Variants in STAG1 observed in about 807,000 individuals in gnomAD.
STAG1 encodes the protein cohesin subunit SA-1.
In STAG1, 26 loss-of-function variants were observed where a neutral mutation model predicts 170.9. The observed-to-expected ratio is 0.15, with a 90% CI of 0.11 to 0.21. STAG1 has a LOEUF of 0.21. Ranked by LOEUF, STAG1 falls within the 10% of genes least tolerant of loss-of-function variation. STAG1 has a pLI of 1.00. For missense variants in STAG1, 964 were observed against 1,509.5 expected (o/e 0.64, Z 5.99); for synonymous variants, 514 against 497.7 (o/e 1.03, Z -0.44).
rs1940890873 is a variant in STAG1, at chr3:136,643,852, A to C, written c.-83-12871T>G. On this transcript the variant is annotated intron_variant, in intron 1 of 33. Transcript: ENST00000383202. The stretch of plus-strand genomic sequence containing the variant: ...ACTGAGGAAAGATGTTTGTTTACTT[A>C]ATATGACCGTGTAGCAAAGGTATAG... 2.0e-5 allele frequency among the ~76,000 whole-genome samples: 3 copies of C among 152,194 alleles called. No homozygotes were observed. In the South Asian group the frequency reaches 6.2e-4, roughly 32 times the overall value.
chr3:136,656,233 AG>A (rs1436675666), intron 1 of STAG1, among the ~76,000 whole-genome samples: 2 of 152,058 alleles, frequency 1.3e-5, no homozygotes, highest in African/African-American at 4.8e-5. Context: ...TTAAATTCAT[AG>A]GAACAGAAAG....
chr3:136,601,260 A>G (rs1031191630), intron 4 of STAG1, among the ~76,000 whole-genome samples: 1 of 152,248 alleles, frequency 6.6e-6, no homozygotes, highest in Non-Finnish European at 1.5e-5. Context: ...TACTGCCAAA[A>G]TAATAAAAAT....
At chr3:136,463,833 A>T (rs1374526809) in intron 13 of STAG1, among the ~76,000 whole-genome samples, 1 of 143,010 alleles carries the variant, frequency 7.0e-6, no homozygotes, top group Non-Finnish European at 1.5e-5. Flanking sequence ...TCATATATAC[A>T]TATATACATA....
intron 1 of STAG1, among the ~76,000 whole-genome samples, chr3:136,729,056 C>T (rs962005864): frequency 2.0e-5 from 3 of 152,224 alleles, no homozygotes; most frequent in Non-Finnish European, 4.4e-5. Flanking sequence ...TCTTGGCTCA[C>T]CGCAGCCTCT....
intron 13 of STAG1, among the ~76,000 whole-genome samples, chr3:136,454,117 C>G (rs879618232): frequency 6.6e-6 from 1 of 152,128 alleles, no homozygotes; most frequent in Non-Finnish European, 1.5e-5. Context: ...TTTTTTGAGA[C>G]ACAGTCTCAC....
chr3:136,453,947 G>C lies in STAG1; in HGVS notation c.1314-1800C>G, dbSNP rs553173337. 2.6e-5 allele frequency among the ~76,000 whole-genome samples: 4 copies of C among 151,808 alleles called. No homozygotes were observed. The East Asian group carries it at 7.8e-4, about 29-fold the overall frequency. ...TTCTGGGGGGGCAGGTGAGGAGGAA[G>C]GCATATTAGGGGACTAGAGAACTTA... On this transcript the variant is annotated intron_variant, in intron 13 of 33. Transcript: ENST00000383202.
chr3:136,484,969 C>T (rs868791343), intron 9 of STAG1, among the ~76,000 whole-genome samples: 3 of 152,176 alleles, frequency 2.0e-5, no homozygotes, highest in African/African-American at 7.2e-5. Flanking sequence ...GGCCTGTGCC[C>T]ACTGTCTGGC....
intron 32 of STAG1, among the ~76,000 whole-genome samples, chr3:136,340,171 T>C (rs577689530): frequency 6.6e-6 from 1 of 152,292 alleles, no homozygotes; most frequent in South Asian, 2.1e-4. Flanking sequence ...TTTGTTTTTC[T>C]GAGATGGAGT....
chr3:136,466,333 G>A (rs2089458738), intron 12 of STAG1, among the ~76,000 whole-genome samples: 1 of 152,184 alleles, frequency 6.6e-6, no homozygotes, highest in Non-Finnish European at 1.5e-5. Context: ...TGAAAACCAT[G>A]GCAGGAGAAC....
chr3:136,452,644 T>C (rs1263318948), intron 13 of STAG1, among the ~76,000 whole-genome samples: 1 of 151,996 alleles, frequency 6.6e-6, no homozygotes, highest in Non-Finnish European at 1.5e-5. Context: ...AATGGTGGCA[T>C]CTGAACAATG....
chr3:136,575,375 C>T (rs934000603), intron 4 of STAG1, among the ~76,000 whole-genome samples: 1 of 152,152 alleles, frequency 6.6e-6, no homozygotes, highest in Admixed American at 6.5e-5. Context: ...GAGGCATATG[C>T]CACTGTGCCT....
chr3:136,411,632 G>C (rs1032108763), intron 21 of STAG1, among the ~76,000 whole-genome samples: 1 of 152,124 alleles, frequency 6.6e-6, no homozygotes, highest in African/African-American at 2.4e-5. Flanking sequence ...TCGTGTGTCA[G>C]AAAGGATGGA....
chr3:136,502,019 TAAA>T (rs942316946), intron 8 of STAG1, among the ~76,000 whole-genome samples: 2 of 152,032 alleles, frequency 1.3e-5, no homozygotes, highest in Non-Finnish European at 2.9e-5. Context: ...CCATCTCTAC[TAAA>T]AATACAAAAT....
chr3:136,742,548 A>C (rs1934722167), intron 1 of STAG1, among the ~76,000 whole-genome samples: 2 of 151,992 alleles, frequency 1.3e-5, no homozygotes, highest in African/African-American at 4.8e-5. Context: ...CCCCGTCTCC[A>C]CTAAAAAAAT....
chr3:136,741,267 T>A (rs889223086), intron 1 of STAG1, among the ~76,000 whole-genome samples: 1 of 152,250 alleles, frequency 6.6e-6, no homozygotes, highest in Admixed American at 6.5e-5. Flanking sequence ...ATGCTGACTG[T>A]CTGGCTACTG....
chr3:136,593,837 T>G lies in STAG1; in HGVS notation c.297+10472A>C, dbSNP rs567452848. Among the ~76,000 whole-genome samples the G allele has an allele frequency of 5.3e-5, 8 of 152,358 alleles. No individual in the cohort carries two copies. In the East Asian group the frequency reaches 1.5e-3, roughly 29 times the overall value. On this transcript the variant is annotated intron_variant, in intron 4 of 33. Coordinates refer to ENST00000383202, the MANE Select transcript of STAG1 (RefSeq NM_005862.3). Reference sequence around the variant, plus strand: ...AGTATTAATTCTATTCAAGTATTTATATTTGCTTAGTTCCACAAAATTTTA... The same window carrying G: ...AGTATTAATTCTATTCAAGTATTTAGATTTGCTTAGTTCCACAAAATTTTA...
intron 4 of STAG1, among the ~76,000 whole-genome samples, chr3:136,578,206 G>C (rs1007240852): frequency 1.3e-5 from 2 of 152,190 alleles, no homozygotes; most frequent in African/African-American, 4.8e-5. Context: ...CTATGGAGAT[G>C]ATGGGATCCC....
intron 1 of STAG1, among the ~76,000 whole-genome samples, chr3:136,637,386 T>C (rs1940608241): frequency 6.6e-6 from 1 of 152,104 alleles, no homozygotes; most frequent in African/African-American, 2.4e-5. Context: ...CTAGAAACTC[T>C]CAAACATTAA....
chr3:136,465,012 C>G (rs1231752443), intron 12 of STAG1, 24 bp from the exon 13 acceptor site: 3 of 1,539,290 alleles, frequency 1.9e-6, no homozygotes, highest in Admixed American at 1.8e-5. Context: ...AAAGTAACAT[C>G]TGATCTAAAG....
Sources: allele counts gnomAD v4.1 joint callset (sites outside exome capture counted in the v4.1 genomes callset), GRCh38; gene constraint gnomAD v4.1.1; transcripts MANE v1.5; gene names NCBI Gene and HGNC (gene_info 2026-07-23, HGNC 2026-07-21).